The following TRPC5 variants were observed in gnomAD, a reference collection of about 807,000 sequenced individuals.
TRPC5 encodes the protein short transient receptor potential channel 5.
TRPC5 carries 9 observed loss-of-function variants against 56.5 expected under a neutral mutation model. The ratio of observed to expected loss-of-function variants is 0.16; its 90% CI spans 0.10 to 0.28. The LOEUF (loss-of-function observed/expected upper bound fraction) is 0.28, where lower values mean the gene tolerates loss of function less well. TRPC5 is among the 10% of genes least tolerant of loss of function. The probability of loss-of-function intolerance (pLI) is 1.00; values close to 1 mark genes in which losing one functional copy is unlikely to be tolerated. For synonymous variants in TRPC5, 282 were observed against 278.5 expected, an observed-to-expected ratio of 1.01 and a Z score of -0.13; for missense variants, 469 against 748.9, an observed-to-expected ratio of 0.63 and a Z score of 4.36.
intron 7 of TRPC5, among the ~76,000 whole-genome samples, chrX:111,827,780 C>T (rs1037770818): frequency 8.1e-5 from 9 of 111,504 alleles, no homozygotes; most frequent in Admixed American, 5.7e-4. Context: ...AGCACTCTTA[C>T]TAAAATACAA....
chrX:111,948,732 CAAAA>C (rs78704592), intron 2 of TRPC5, among the ~76,000 whole-genome samples: 3 of 75,153 alleles, frequency 4.0e-5, no homozygotes, highest in African/African-American at 4.9e-5. Context: ...ACTCCAACTC[CAAAA>C]AAAAAAAAAA....
chrX:111,931,634 G>A (rs778573986), intron 2 of TRPC5, among the ~76,000 whole-genome samples: 1 of 111,881 alleles, frequency 8.9e-6, no homozygotes, highest in African/African-American at 3.3e-5. Flanking sequence ...TGCTGACAAG[G>A]GTAGGCTCAG....
intron 1 of TRPC5, among the ~76,000 whole-genome samples, chrX:111,969,361 G>A (rs1463705117): frequency 8.9e-6 from 1 of 112,226 alleles, no homozygotes; most frequent in African/African-American, 3.2e-5. Context: ...CTTTATTGCA[G>A]TGGTCTAGAA....
intron 3 of TRPC5, among the ~76,000 whole-genome samples, chrX:111,856,604 T>C (rs1302225671): frequency 9.5e-6 from 1 of 104,947 alleles, no homozygotes; most frequent in Non-Finnish European, 1.9e-5. Context: ...TCACTTGAGG[T>C]CAGGAGTTTG....
intron 1 of TRPC5, among the ~76,000 whole-genome samples, chrX:111,971,549 T>G: frequency 9.0e-6 from 1 of 111,430 alleles, no homozygotes; most frequent in East Asian, 2.8e-4. Flanking sequence ...TTCCCAGAAA[T>G]AACAGTCATA....
At chrX:112,001,653 T>C (rs144142154) in intron 1 of TRPC5, among the ~76,000 whole-genome samples, 10,473 of 110,900 alleles carry the variant, frequency 0.094, 788 homozygotes, top group African/African-American at 0.26. Flanking sequence ...CCCAGCTATT[T>C]GGGAGGGTGA....
rs1569528043 is a variant in TRPC5, at chrX:111,912,501, G to A, written c.690C>T (p.Leu230=). The A allele has an allele frequency of 1.7e-6, 2 of 1,211,302 alleles. No homozygotes were observed. The highest frequency in any genetic ancestry group is 2.2e-6 in the Non-Finnish European group (2 of 895,453). Residue 230 remains leucine, a synonymous_variant, in exon 3 of 11, where the codon CTC becomes CTT. Coordinates refer to ENST00000262839, the MANE Select transcript of TRPC5 (RefSeq NM_012471.3). ...AFRLGWELKE[L]SKVENEFKAE... is the part of the protein sequence containing the mutation. ...CCTTGAACTCATTCTCCACCTTGCT[G>A]AGCTCCTTGAGCTCCCAGCCCAGAC...
At chrX:112,019,283 CTT>C (rs1182473011) in intron 1 of TRPC5, among the ~76,000 whole-genome samples, 2 of 112,079 alleles carry the variant, frequency 1.8e-5, no homozygotes, top group Non-Finnish European at 3.8e-5. Flanking sequence ...TGAGAAGAAA[CTT>C]TGAGTCTACA....
chrX:111,787,274 A>G (rs1945974791), intron 7 of TRPC5, among the ~76,000 whole-genome samples: 1 of 111,895 alleles, frequency 8.9e-6, no homozygotes, highest in Non-Finnish European at 1.9e-5. Flanking sequence ...GCACAACTAC[A>G]TGGAAACTGA....
Position 111,865,351 on chromosome X carries a change from G to A in TRPC5, c.901-11245C>T, listed in dbSNP as rs184253411. 1.5e-3 allele frequency among the ~76,000 whole-genome samples: 158 copies of A among 102,705 alleles called. 1 individual carries two copies. Among genetic ancestry groups the A allele is most frequent in the Non-Finnish European group, 1.7e-3 (86 of 50,507 alleles). The allele number at this position is 102,705 out of a possible 115,157, so 89.2% of individuals were successfully genotyped here. A position where few individuals can be genotyped will look rare whatever the true frequency, so the allele number is the denominator to read the frequency against. On this transcript the variant is annotated intron_variant, in intron 3 of 10. Coordinates refer to ENST00000262839, the MANE Select transcript of TRPC5 (RefSeq NM_012471.3). ...CAGCTTCTTTTTTTTTTTTTTTGAC[G>A]GAGTCTCATTCTGTCGCCAGGCTAG...
intron 6 of TRPC5, 75 bp downstream of exon 6, chrX:111,847,039 C>T: frequency 6.5e-6 from 7 of 1,072,133 alleles, no homozygotes; most frequent in Admixed American, 3.0e-5. Flanking sequence ...AGGCTGAAAA[C>T]AGGACAAAAA....
At chrX:111,805,698 G>C (rs1238514405) in intron 7 of TRPC5, among the ~76,000 whole-genome samples, 3 of 111,104 alleles carry the variant, frequency 2.7e-5, no homozygotes, top group Non-Finnish European at 5.7e-5. Context: ...TTTTGAGATA[G>C]GGTATCACTC....
intron 10 of TRPC5, among the ~76,000 whole-genome samples, chrX:111,777,780 T>A (rs1486922987): frequency 8.9e-6 from 1 of 112,510 alleles, no homozygotes; most frequent in Non-Finnish European, 1.9e-5. Flanking sequence ...AACTCGCCCT[T>A]ATCTGGCTGG....
At chrX:112,055,290 A>G (rs1930316229) in intron 1 of TRPC5, among the ~76,000 whole-genome samples, 1 of 112,126 alleles carries the variant, frequency 8.9e-6, no homozygotes, top group South Asian at 3.7e-4. Context: ...TACTCATAGG[A>G]TGAGCTCTTT....
chrX:111,968,424 T>C (rs1249822044), intron 1 of TRPC5, among the ~76,000 whole-genome samples: 2 of 111,589 alleles, frequency 1.8e-5, no homozygotes, highest in African/African-American at 6.5e-5. Context: ...TGGCAATTCC[T>C]CAGGGATCTA....
At chrX:112,029,153 C>T (rs1929514915) in intron 1 of TRPC5, among the ~76,000 whole-genome samples, 1 of 110,336 alleles carries the variant, frequency 9.1e-6, no homozygotes. Context: ...GTTACCCTTC[C>T]CAGCCTCTGG....
At chrX:111,975,644 C>G (rs751560447) in intron 1 of TRPC5, among the ~76,000 whole-genome samples, 1 of 111,621 alleles carries the variant, frequency 9.0e-6, no homozygotes, top group African/African-American at 3.3e-5. Context: ...CGCCTGTAAT[C>G]CCAGCATTTT....
At chrX:111,901,243 T>G (rs774005639) in intron 3 of TRPC5, among the ~76,000 whole-genome samples, 2 of 111,558 alleles carry the variant, frequency 1.8e-5, no homozygotes, top group South Asian at 7.6e-4. Context: ...GTGCTAATAA[T>G]TGACAGACCC....
At chrX:111,830,658 C>G (rs1922381615) in intron 7 of TRPC5, among the ~76,000 whole-genome samples, 1 of 112,015 alleles carries the variant, frequency 8.9e-6, no homozygotes, top group Admixed American at 9.5e-5. Flanking sequence ...CTCTCACTCT[C>G]TCTCACCTGC....
Sources: gnomAD v4.1 joint callset for allele counts (sites outside exome capture counted in the v4.1 genomes callset) on GRCh38, gnomAD v4.1.1 for gene constraint, MANE v1.5 for transcripts, NCBI Gene and HGNC (gene_info 2026-07-23, HGNC 2026-07-21) for gene names.